The following FBXO33 variants were observed in gnomAD, a reference collection of about 807,000 sequenced individuals.
FBXO33 encodes F-box only protein 33.
FBXO33 carries 22 observed loss-of-function variants against 46.3 expected under a neutral mutation model. The observed-to-expected ratio is 0.48, with a 90% CI of 0.34 to 0.68. FBXO33 has a LOEUF of 0.68. FBXO33 is among the 30% of genes least tolerant of loss of function. The pLI is 0.01. For missense variants in FBXO33, 692 were observed against 708.8 expected (o/e 0.98, Z 0.27); for synonymous variants, 337 against 291.3 (o/e 1.16, Z -1.60).
chr14:39,421,835 A>G (rs945737312), intron 1 of FBXO33, among the ~76,000 whole-genome samples: 4 of 151,978 alleles, frequency 2.6e-5, no homozygotes, highest in African/African-American at 4.8e-5. Flanking sequence ...CGCACGAGTA[A>G]GAATAACCAA....
At chr14:39,424,659 G>C (rs1306132752) in intron 1 of FBXO33, among the ~76,000 whole-genome samples, 1 of 152,168 alleles carries the variant, frequency 6.6e-6, no homozygotes, top group Non-Finnish European at 1.5e-5. Context: ...GTAGTAAATA[G>C]AACCAGTGGA....
chr14:39,431,903 T>C lies in FBXO33; in HGVS notation c.260A>G (p.Asp87Gly). 6.5e-7 allele frequency: 1 copy of C among 1,549,386 alleles called. No homozygotes were observed. The highest frequency in any genetic ancestry group is 2.4e-5 in the East Asian group (1 of 42,120). ...GCAGGAGGCCGAGGCCCGCAGCCGG[T>C]CGGGCGCCGGCAGAAAAGAGAAGAT... ...VHIFSFLPAP[D>G]RLRASASCSH... The change falls in exon 1 of 4, where the codon GAC (aspartate) becomes GGC (glycine). Residue 87 changes from aspartate (D) to glycine (G), a missense_variant. Around this residue, in one of 3 missense-constraint regions of FBXO33, gnomAD observed 412 missense variants for 370.8 expected, o/e 1.11. Coordinates refer to ENST00000298097, the MANE Select transcript of FBXO33 (RefSeq NM_203301.4).
At chr14:39,417,093 A>C (rs908967071) in intron 1 of FBXO33, among the ~76,000 whole-genome samples, 2 of 152,208 alleles carry the variant, frequency 1.3e-5, no homozygotes, top group African/African-American at 4.8e-5. Flanking sequence ...TTTGGGTACC[A>C]CACTGAAAGG....
chr14:39,407,122 G>A (rs561666179), intron 1 of FBXO33, among the ~76,000 whole-genome samples: 1 of 152,254 alleles, frequency 6.6e-6, no homozygotes, highest in South Asian at 2.1e-4. Flanking sequence ...ATTTCTACAT[G>A]CTAGCAATGA....
At chr14:39,429,788 G>C (rs1230619465) in intron 1 of FBXO33, among the ~76,000 whole-genome samples, 4 of 152,190 alleles carry the variant, frequency 2.6e-5, no homozygotes, top group African/African-American at 9.7e-5. Flanking sequence ...AGAAGGGCAG[G>C]CATCGGTGGC....
At chr14:39,413,426 C>T (rs2075432887) in intron 1 of FBXO33, among the ~76,000 whole-genome samples, 1 of 152,202 alleles carries the variant, frequency 6.6e-6, no homozygotes, top group Admixed American at 6.5e-5. Context: ...TTGAACTCCT[C>T]AAATGATCCA....
At chr14:39,405,133 A>T (rs1228619241) in intron 1 of FBXO33, among the ~76,000 whole-genome samples, 1 of 151,554 alleles carries the variant, frequency 6.6e-6, no homozygotes, top group Non-Finnish European at 1.5e-5. Flanking sequence ...TGTCTCAAAA[A>T]AAAAAAAAAA....
intron 1 of FBXO33, among the ~76,000 whole-genome samples, chr14:39,428,194 T>C (rs928594262): frequency 6.6e-6 from 1 of 152,150 alleles, no homozygotes; most frequent in African/African-American, 2.4e-5. Context: ...TCTGTTACAA[T>C]ATGCATTCTT....
rs2075561344 is a variant in FBXO33 at position 39,432,026 on chromosome 14, C to CGCAGTACCCGGA, written c.125_136dup (p.Leu42_Leu45dup). 1 of 1,405,292 alleles carries CGCAGTACCCGGA rather than the reference C, an allele frequency of 7.1e-7. No individual in the cohort carries two copies. The allele number at this position is 1,405,292 out of a possible 1,614,324, so 87.1% of individuals were successfully genotyped here. A position where few individuals can be genotyped will look rare whatever the true frequency, so the allele number is the denominator to read the frequency against. On this transcript the variant is annotated inframe_insertion, in exon 1 of 4. Transcript: ENST00000298097. ...CCGGCTGCCGGCTCCCGGCCGCCCC[C>CGCAGTACCCGGA]GCAGTACCCGGAGCAGCCCCCGCAG...
At chr14:39,430,728 AAAG>A (rs1056660894) in intron 1 of FBXO33, among the ~76,000 whole-genome samples, 2 of 152,196 alleles carry the variant, frequency 1.3e-5, no homozygotes, top group African/African-American at 4.8e-5. Context: ...ATATCCATAT[AAAG>A]AAGATCTAAA....
chr14:39,420,912 A>AT (rs1305682880), intron 1 of FBXO33, among the ~76,000 whole-genome samples: 1 of 152,204 alleles, frequency 6.6e-6, no homozygotes, highest in Non-Finnish European at 1.5e-5. Flanking sequence ...TAAAATAGAA[A>AT]TAATAGAGAA....
chr14:39,405,482 T>C (rs1315387395), intron 1 of FBXO33, among the ~76,000 whole-genome samples: 1 of 137,526 alleles, frequency 7.3e-6, no homozygotes, highest in Non-Finnish European at 1.7e-5. Flanking sequence ...GAAATGAAAA[T>C]CAGGGAATTT....
At chr14:39,416,264 T>C (rs1005715726) in intron 1 of FBXO33, among the ~76,000 whole-genome samples, 1 of 151,630 alleles carries the variant, frequency 6.6e-6, no homozygotes, top group Admixed American at 6.6e-5. Context: ...CAGTTTTTTT[T>C]TTCTTTTCTT....
At chr14:39,400,292 A>G (rs1026740845) in intron 3 of FBXO33, among the ~76,000 whole-genome samples, 7 of 152,224 alleles carry the variant, frequency 4.6e-5, no homozygotes, top group African/African-American at 1.7e-4. Flanking sequence ...TTATAAAACA[A>G]TCATGTGAAT....
intron 1 of FBXO33, among the ~76,000 whole-genome samples, chr14:39,409,638 T>C (rs1280276835): frequency 6.6e-6 from 1 of 152,252 alleles, no homozygotes; most frequent in African/African-American, 2.4e-5. Context: ...TTAATAGAGA[T>C]TGCATTGAAT....
At chr14:39,401,905 T>G (rs1351560002) in intron 2 of FBXO33, 44 bp from the exon 3 acceptor site, 1 of 1,457,360 alleles carries the variant, frequency 6.9e-7, no homozygotes, top group South Asian at 1.3e-5. Flanking sequence ...TAACATTTAG[T>G]TCTAATCTTT....
At position 39,431,809 on chromosome 14, in the gene FBXO33, C is replaced by G. The variant is rs2075556606; in HGVS notation, c.354G>C (p.Ser118=). 1 of 1,610,838 alleles carries G rather than the reference C, an allele frequency of 6.2e-7. No individual in the cohort carries two copies. The change falls in exon 1 of 4, where the codon TCG becomes TCC. Residue 118 remains serine, a synonymous_variant. Coordinates refer to ENST00000298097, the MANE Select transcript of FBXO33 (RefSeq NM_203301.4). ...ATTCCAGCCGAGGCTGCTCCGCGGG[C>G]GAGACGCGGAGGCAGATGCGGAGCT... ...WPQLRICLRV[S]PAEQPRLEFL...
Position 39,401,452 on chromosome 14 carries a change from T to C in FBXO33, c.1120A>G (p.Ile374Val), listed in dbSNP as rs765068524. 4.3e-6 allele frequency: 7 copies of C among 1,614,086 alleles called. No individual in the cohort carries two copies. Among genetic ancestry groups the C allele is most frequent in the Non-Finnish European group, 5.9e-6 (7 of 1,180,038 alleles). The change falls in exon 3 of 4, where the codon ATA (isoleucine) becomes GTA (valine). Residue 374 changes from isoleucine (I) to valine (V), a missense_variant. By Grantham distance (29) the Ile-to-Val change is conservative. Coordinates refer to ENST00000298097, the MANE Select transcript of FBXO33 (RefSeq NM_203301.4). ...SRKSTSFRVY[I>V]MAFDIKSEDM... ...TCACTCTTGATATCAAAAGCCATTATATAGACCCGAAAGCTGGTGCTCTTT... is the reference window on the plus strand; with the variant it reads ...TCACTCTTGATATCAAAAGCCATTACATAGACCCGAAAGCTGGTGCTCTTT...
chr14:39,409,764 A>G (rs1484360987), intron 1 of FBXO33, among the ~76,000 whole-genome samples: 1 of 152,202 alleles, frequency 6.6e-6, no homozygotes, highest in Non-Finnish European at 1.5e-5. Flanking sequence ...TCAGTAAAAC[A>G]GAAGACTTTC....
Sources: allele counts gnomAD v4.1 joint callset (sites outside exome capture counted in the v4.1 genomes callset), GRCh38; gene constraint gnomAD v4.1.1; regional missense constraint gnomAD v4.1.1; transcripts MANE v1.5; gene names NCBI Gene and HGNC (gene_info 2026-07-23, HGNC 2026-07-21).